OR1J2: variants seen among roughly 807,000 people sequenced by gnomAD.
OR1J2 encodes olfactory receptor 1J2.
For synonymous variants in OR1J2, 142 were observed against 99.7 expected, an observed-to-expected ratio of 1.42 and a Z score of -2.52; for missense variants, 304 against 246.1, an observed-to-expected ratio of 1.24 and a Z score of -1.57.
chr9:122,513,471 CTG>C (rs1306140332), downstream of OR1J2, among the ~76,000 whole-genome samples: 1 of 152,012 alleles, frequency 6.6e-6, no homozygotes, highest in Non-Finnish European at 1.5e-5. Flanking sequence ...GCATTGTTGC[CTG>C]TGTTTCCGCA....
At chr9:122,578,650 C>T in the OR1J2 span, among the ~76,000 whole-genome samples, 4 of 151,996 alleles carry the variant, frequency 2.6e-5, no homozygotes, top group African/African-American at 7.2e-5. Flanking sequence ...ATGGCATTCA[C>T]GGCAACCTGG....
the OR1J2 span, among the ~76,000 whole-genome samples, chr9:122,541,558 C>A: frequency 6.6e-5 from 10 of 152,210 alleles, no homozygotes; most frequent in South Asian, 2.1e-3. Flanking sequence ...TGAATCATAT[C>A]AAAAATAAGA....
At chr9:122,478,078 C>T in the OR1J2 span, 6 of 602,494 alleles carry the variant, frequency 1.0e-5, no homozygotes, top group African/African-American at 1.1e-4. Context: ...ACATATTTTG[C>T]TGCAAATGTG....
the OR1J2 span, chr9:122,477,006 C>T: frequency 6.2e-7 from 1 of 1,608,530 alleles, no homozygotes; most frequent in Non-Finnish European, 8.5e-7. Context: ...CTGCGCCTGA[C>T]CTACTCAAGA....
chr9:122,567,548 C>CTAG, the OR1J2 span: 1 of 1,564,388 alleles, frequency 6.4e-7, no homozygotes, highest in East Asian at 2.2e-5. Flanking sequence ...AGGGTGCTTC[C>CTAG]TAGGATCTCT....
the OR1J2 span, among the ~76,000 whole-genome samples, chr9:122,534,780 G>A: frequency 0.072 from 10,942 of 152,142 alleles, 501 homozygotes; most frequent in African/African-American, 0.12. Context: ...CGGACGATTT[G>A]CATTGGGAAC....
the OR1J2 span, among the ~76,000 whole-genome samples, chr9:122,578,599 A>G: frequency 6.6e-6 from 1 of 152,192 alleles, no homozygotes; most frequent in Non-Finnish European, 1.5e-5. Flanking sequence ...ATATATACAT[A>G]TACCATGGAA....
At chr9:122,516,742 C>T (rs1468235278), downstream of OR1J2, among the ~76,000 whole-genome samples, 1 of 152,152 alleles carries the variant, frequency 6.6e-6, no homozygotes, top group Non-Finnish European at 1.5e-5. Flanking sequence ...ATTGATATAG[C>T]ATGAGAGAAA....
At chr9:122,574,373 A>T in the OR1J2 span, among the ~76,000 whole-genome samples, 1 of 152,074 alleles carries the variant, frequency 6.6e-6, no homozygotes, top group African/African-American at 2.4e-5. Context: ...ATCTTTCATC[A>T]TGGTTTTGTG....
chr9:122,543,956 G>C, the OR1J2 span, among the ~76,000 whole-genome samples: 1 of 152,158 alleles, frequency 6.6e-6, no homozygotes, highest in African/African-American at 2.4e-5. Context: ...AACTGGTACC[G>C]ATTTTGGTTA....
the OR1J2 span, among the ~76,000 whole-genome samples, chr9:122,558,557 T>G: frequency 1.3e-5 from 2 of 151,748 alleles, no homozygotes; most frequent in African/African-American, 4.8e-5. Flanking sequence ...TTCTTATTAT[T>G]TTATGTTTGT....
At chr9:122,519,713 C>T in the OR1J2 span, 15 of 1,614,146 alleles carry the variant, frequency 9.3e-6, no homozygotes, top group Admixed American at 2.5e-4. Context: ...CATGCTCAGA[C>T]ATCTCCCTCA....
chr9:122,456,288 A>C, the OR1J2 span, among the ~76,000 whole-genome samples: 2 of 152,152 alleles, frequency 1.3e-5, no homozygotes, highest in African/African-American at 4.8e-5. Context: ...GTGCCTAGAA[A>C]GATTGGAAGA....
chr9:122,526,969 C>T, the OR1J2 span: 2 of 1,614,224 alleles, frequency 1.2e-6, no homozygotes, highest in Middle Eastern at 1.6e-4. Flanking sequence ...AAGAAGCTGT[C>T]TAGATCACCA....
chr9:122,501,581 G>A, the OR1J2 span, among the ~76,000 whole-genome samples: 3 of 151,894 alleles, frequency 2.0e-5, no homozygotes, highest in South Asian at 2.1e-4. Flanking sequence ...TTCTTAATAC[G>A]TGCCGAGAGA....
At chr9:122,555,554 C>T in the OR1J2 span, among the ~76,000 whole-genome samples, 1 of 152,148 alleles carries the variant, frequency 6.6e-6, no homozygotes, top group African/African-American at 2.4e-5. Flanking sequence ...AGATCCCCAC[C>T]TTTGCCCTCC....
the OR1J2 span, among the ~76,000 whole-genome samples, chr9:122,474,230 C>T: frequency 6.6e-6 from 1 of 152,176 alleles, no homozygotes; most frequent in South Asian, 2.1e-4. Context: ...AGAAATACAA[C>T]TCCTGACAAA....
At chr9:122,455,837 T>C in the OR1J2 span, among the ~76,000 whole-genome samples, 1 of 152,228 alleles carries the variant, frequency 6.6e-6, no homozygotes, top group African/African-American at 2.4e-5. Flanking sequence ...TTAGCTCTTA[T>C]ATTTAGGTTT....
At chr9:122,516,493 C>T (rs555912817), downstream of OR1J2, among the ~76,000 whole-genome samples, 3 of 151,808 alleles carry the variant, frequency 2.0e-5, no homozygotes, top group East Asian at 2.0e-4. Flanking sequence ...TTAGTAGAGA[C>T]GGGGTTTCAC....
Sources: gnomAD v4.1 joint callset for allele counts (sites outside exome capture counted in the v4.1 genomes callset) on GRCh38, gnomAD v4.1.1 for gene constraint, MANE v1.5 for transcripts, NCBI Gene and HGNC (gene_info 2026-07-23, HGNC 2026-07-21) for gene names.